The following SMIM36 variants were observed in gnomAD, a reference collection of about 807,000 sequenced individuals.
The protein encoded by SMIM36 is small integral membrane protein 36.
chr17:55,458,035 C>A (rs2143233121), intron 4 of SMIM36, among the ~76,000 whole-genome samples: 1 of 152,244 alleles, frequency 6.6e-6, no homozygotes, highest in South Asian at 2.1e-4. Context: ...TGTCTTTTCT[C>A]TATTGTTTCT....
intron 1 of SMIM36, among the ~76,000 whole-genome samples, chr17:55,501,303 TTA>T (rs1331174114): frequency 2.0e-4 from 2 of 10,128 alleles, no homozygotes; most frequent in Admixed American, 1.5e-3. Flanking sequence ...ATAATATATA[TTA>T]TGTTATATAT....
chr17:55,501,885 G>C (rs1171702956), intron 1 of SMIM36, among the ~76,000 whole-genome samples: 1 of 91,222 alleles, frequency 1.1e-5, no homozygotes, highest in Non-Finnish European at 2.0e-5. Context: ...CAGTGCGCGA[G>C]CCGAAGCAAG....
chr17:55,473,769 A>T (rs12936770), intron 3 of SMIM36, among the ~76,000 whole-genome samples: 33 of 151,846 alleles, frequency 2.2e-4, no homozygotes, highest in African/African-American at 7.0e-4. Flanking sequence ...CTTTCTTGCT[A>T]GGCCCCAACC....
intron 4 of SMIM36, among the ~76,000 whole-genome samples, chr17:55,456,442 TTCCA>T (rs1473493749): frequency 6.6e-6 from 1 of 152,224 alleles, no homozygotes; most frequent in East Asian, 1.9e-4. Flanking sequence ...CAATTTATCA[TTCCA>T]TCTTTTTTCC....
chr17:55,496,239 C>A (rs539976342), intron 1 of SMIM36, among the ~76,000 whole-genome samples: 2 of 152,254 alleles, frequency 1.3e-5, no homozygotes, highest in South Asian at 4.1e-4. Flanking sequence ...AAGCCAAGTC[C>A]TTTTCTTCCT....
At chr17:55,456,968 A>C (rs1358353285) in intron 4 of SMIM36, among the ~76,000 whole-genome samples, 2 of 152,210 alleles carry the variant, frequency 1.3e-5, no homozygotes, top group Non-Finnish European at 1.5e-5. Context: ...TAAATCCTAC[A>C]TAGCAGTTAG....
the SMIM36 span, among the ~76,000 whole-genome samples, chr17:55,522,316 T>C: frequency 2.0e-5 from 3 of 152,216 alleles, no homozygotes; most frequent in Non-Finnish European, 4.4e-5. Context: ...CTTTTATGGC[T>C]TTCCATGACC....
chr17:55,517,314 G>A, the SMIM36 span, among the ~76,000 whole-genome samples: 1 of 152,160 alleles, frequency 6.6e-6, no homozygotes, highest in Non-Finnish European at 1.5e-5. Context: ...ACTTTGGGAG[G>A]CCAAGGAGGG....
the SMIM36 span, among the ~76,000 whole-genome samples, chr17:55,518,522 T>A: frequency 6.6e-6 from 1 of 152,072 alleles, no homozygotes; most frequent in Non-Finnish European, 1.5e-5. Flanking sequence ...GTTTTGAGAT[T>A]TTGCTAAAAT....
At chr17:55,518,995 T>G in the SMIM36 span, among the ~76,000 whole-genome samples, 6,945 of 148,512 alleles carry the variant, frequency 0.047, 505 homozygotes, top group African/African-American at 0.16. Flanking sequence ...ATATTTGGGT[T>G]TTTTTTTTTT....
At chr17:55,501,776 G>A (rs80031184) in intron 1 of SMIM36, among the ~76,000 whole-genome samples, 46,910 of 146,948 alleles carry the variant, frequency 0.32, 7,372 homozygotes, top group Non-Finnish European at 0.41. Context: ...CAGCGTGACC[G>A]ACGCAGAAGA....
chr17:55,526,564 C>T, the SMIM36 span, among the ~76,000 whole-genome samples: 2 of 152,276 alleles, frequency 1.3e-5, no homozygotes, highest in East Asian at 3.9e-4. Context: ...CAGTCTGCCT[C>T]CTCGCCAGCA....
chr17:55,472,061 AT>A (rs1317806934), intron 3 of SMIM36, among the ~76,000 whole-genome samples: 3 of 152,166 alleles, frequency 2.0e-5, no homozygotes, highest in African/African-American at 7.2e-5. Flanking sequence ...CATGGGCCTG[AT>A]TTCAACCCAG....
intron 1 of SMIM36, among the ~76,000 whole-genome samples, chr17:55,509,848 A>G (rs1474553211): frequency 6.6e-6 from 1 of 152,166 alleles, no homozygotes; most frequent in Non-Finnish European, 1.5e-5. Context: ...ACATCAACAA[A>G]GAGAGTGAAG....
chr17:55,481,059 TCTGTCTCTGTCTCC>T (rs946253846), intron 1 of SMIM36, among the ~76,000 whole-genome samples: 1 of 152,056 alleles, frequency 6.6e-6, no homozygotes, highest in Admixed American at 6.6e-5. Flanking sequence ...TCTGTCTCTT[TCTGTCTCTGTCTCC>T]CTGTCTCTGT....
intron 3 of SMIM36, among the ~76,000 whole-genome samples, chr17:55,470,623 A>G (rs1470015923): frequency 6.6e-6 from 1 of 152,110 alleles, no homozygotes; most frequent in African/African-American, 2.4e-5. Context: ...TAACTAAATT[A>G]TCTGCTTCCC....
chr17:55,522,401 A>G, the SMIM36 span, among the ~76,000 whole-genome samples: 6 of 152,224 alleles, frequency 3.9e-5, no homozygotes, highest in Non-Finnish European at 8.8e-5. Flanking sequence ...GAGACTGGAT[A>G]ACTTATAAAG....
intron 4 of SMIM36, among the ~76,000 whole-genome samples, chr17:55,463,566 T>C (rs539929320): frequency 1.3e-5 from 2 of 151,788 alleles, no homozygotes; most frequent in South Asian, 4.2e-4. Flanking sequence ...AATAATAATA[T>C]AACAATATTC....
At chr17:55,452,683 C>T (rs558832354) in intron 4 of SMIM36, among the ~76,000 whole-genome samples, 2 of 152,330 alleles carry the variant, frequency 1.3e-5, no homozygotes, top group South Asian at 2.1e-4. Flanking sequence ...GGCTCACATC[C>T]TGTCTCTGGG....
Sources: allele counts gnomAD v4.1 joint callset (sites outside exome capture counted in the v4.1 genomes callset), GRCh38; gene constraint gnomAD v4.1.1; transcripts MANE v1.5; gene names NCBI Gene and HGNC (gene_info 2026-07-23, HGNC 2026-07-21).